Variants in XKR9 observed in about 807,000 individuals in gnomAD.
XKR9 encodes the protein XK-related protein 9.
In XKR9, 32 loss-of-function variants were observed where a neutral mutation model predicts 32.0. That is an observed-to-expected ratio of 1.00 (90% CI 0.76 to 1.34). The LOEUF (loss-of-function observed/expected upper bound fraction) is 1.34, where lower values mean the gene tolerates loss of function less well. Ranked by LOEUF, XKR9 falls within the 40% of genes most tolerant of loss-of-function variation. The pLI is 0.00. For synonymous variants in XKR9, 168 were observed against 143.4 expected (o/e 1.17, Z -1.22); for missense variants, 546 against 429.7 (o/e 1.27, Z -2.39).
At chr8:70,854,550 T>G in the XKR9 span, among the ~76,000 whole-genome samples, 136,325 of 152,174 alleles carry the variant, frequency 0.9, 61,277 homozygotes, top group East Asian at 0.97. Flanking sequence ...GTCAATTTTG[T>G]CTTTTGTTGC....
At chr8:70,997,695 C>G in the XKR9 span, among the ~76,000 whole-genome samples, 3 of 152,144 alleles carry the variant, frequency 2.0e-5, no homozygotes, top group South Asian at 4.1e-4. Context: ...ATACCAAAAT[C>G]TCAGAAATCA....
chr8:70,934,250 AG>A, the XKR9 span, among the ~76,000 whole-genome samples: 41 of 152,174 alleles, frequency 2.7e-4, no homozygotes, highest in Non-Finnish European at 4.9e-4. Flanking sequence ...CAATTTTGGC[AG>A]AAGTAATAGA....
chr8:70,876,912 G>A, the XKR9 span, among the ~76,000 whole-genome samples: 18 of 151,998 alleles, frequency 1.2e-4, no homozygotes, highest in Admixed American at 2.6e-4. Flanking sequence ...TAATAATGTC[G>A]TACTGTTTTG....
At chr8:70,909,739 C>T in the XKR9 span, among the ~76,000 whole-genome samples, 2 of 125,352 alleles carry the variant, frequency 1.6e-5, no homozygotes, top group Non-Finnish European at 3.2e-5. Flanking sequence ...AACAGAGTCT[C>T]ACTCTGTCAC....
In XKR9 at chr8:70,744,757, C is replaced by CTGTATAGAATGTATATAATATAGAATGA. The variant is rs1554553503; in HGVS notation, n.352+37604_352+37605insTGTATAGAATGTATATAATATAGAATGA. 3.0e-4 allele frequency among the ~76,000 whole-genome samples: 46 copies of CTGTATAGAATGTATATAATATAGAATGA among 150,940 alleles called. 1 individual carries two copies. Among genetic ancestry groups the CTGTATAGAATGTATATAATATAGAATGA allele is most frequent in the Admixed American group, 7.2e-4 (11 of 15,182 alleles). The stretch of plus-strand genomic sequence containing the variant: ...GGTAGCTGGGACTACAGGTGTGCAC[C>CTGTATAGAATGTATATAATATAGAATGA]ACCACGCCTGGCTAATTTTTGTATT... On this transcript the variant is annotated intron_variant and non_coding_transcript_variant, in intron 2 of 3. Transcript: ENST00000520273.
chr8:70,941,173 A>G, the XKR9 span, among the ~76,000 whole-genome samples: 1 of 151,876 alleles, frequency 6.6e-6, no homozygotes. Context: ...GTCTTTTGGG[A>G]TTTACATATT....
intron 2 of XKR9, among the ~76,000 whole-genome samples, chr8:70,741,165 G>T (rs1318135170): frequency 1.3e-5 from 2 of 152,240 alleles, no homozygotes; most frequent in Non-Finnish European, 2.9e-5. Context: ...AAGCAAGCCT[G>T]GGCAATGGTG....
rs958903566 is a variant in XKR9, at chr8:70,725,568, T to C, written c.494-8228T>C. Among the ~76,000 whole-genome samples the C allele has an allele frequency of 2.6e-5, 4 of 152,046 alleles. No individual in the cohort carries two copies. The East Asian group carries it at 5.8e-4, about 22-fold the overall frequency. ...ACTGCCATTTTTCTTATATACTCTG[T>C]AGAACTTTTTGACTTTTAAAAAACG... is the stretch of plus-strand genomic sequence containing the variant. On this transcript the variant is annotated intron_variant, in intron 4 of 4. Coordinates refer to ENST00000408926, the MANE Select transcript of XKR9 (RefSeq NM_001011720.2).
the XKR9 span, among the ~76,000 whole-genome samples, chr8:70,957,911 C>T: frequency 6.8e-6 from 1 of 147,416 alleles, no homozygotes; most frequent in Non-Finnish European, 1.5e-5. Context: ...CCTCAGCTTA[C>T]TGAGTGGCTG....
At chr8:71,002,625 C>T in the XKR9 span, among the ~76,000 whole-genome samples, 1 of 152,152 alleles carries the variant, frequency 6.6e-6, no homozygotes, top group Non-Finnish European at 1.5e-5. Context: ...AATAAAAACA[C>T]ACTTGCCTTT....
At chr8:70,924,192 C>T in the XKR9 span, among the ~76,000 whole-genome samples, 7 of 152,118 alleles carry the variant, frequency 4.6e-5, no homozygotes, top group Admixed American at 2.0e-4. Context: ...GAAATAGTTC[C>T]GTGAACTGGC....
the XKR9 span, among the ~76,000 whole-genome samples, chr8:70,845,913 C>T: frequency 6.6e-6 from 1 of 152,066 alleles, no homozygotes; most frequent in East Asian, 1.9e-4. Flanking sequence ...CCTCCCAAGT[C>T]TAGTAAAAGA....
chr8:70,779,315 T>G (rs1230144705), intron 2 of XKR9, among the ~76,000 whole-genome samples: 1 of 152,208 alleles, frequency 6.6e-6, no homozygotes, highest in Non-Finnish European at 1.5e-5. Context: ...TTGTTCGTGG[T>G]GGATAAGCTT....
the XKR9 span, among the ~76,000 whole-genome samples, chr8:70,801,401 C>G: frequency 6.6e-6 from 1 of 152,138 alleles, no homozygotes; most frequent in African/African-American, 2.4e-5. Context: ...TAATTTGTTT[C>G]TGCCTTAACT....
At chr8:70,823,161 C>T in the XKR9 span, among the ~76,000 whole-genome samples, 14 of 152,280 alleles carry the variant, frequency 9.2e-5, no homozygotes, top group East Asian at 7.7e-4. Flanking sequence ...CTTAATGGTC[C>T]GGAGTTGTTG....
the XKR9 span, among the ~76,000 whole-genome samples, chr8:70,810,068 C>G: frequency 1.3e-5 from 2 of 152,166 alleles, no homozygotes; most frequent in Non-Finnish European, 2.9e-5. Context: ...CAAAGGGAAG[C>G]CCATCAGACT....
intron 2 of XKR9, among the ~76,000 whole-genome samples, chr8:70,753,060 CAATA>C (rs1247554721): frequency 2.0e-5 from 3 of 152,028 alleles, no homozygotes; most frequent in African/African-American, 7.2e-5. Context: ...CAAATAGACG[CAATA>C]AAAAATGATA....
At chr8:70,919,026 C>T in the XKR9 span, among the ~76,000 whole-genome samples, 1 of 152,010 alleles carries the variant, frequency 6.6e-6, no homozygotes. Flanking sequence ...ATCCACCCAC[C>T]TCTGCCTCCC....
chr8:70,905,666 G>A, the XKR9 span, among the ~76,000 whole-genome samples: 1 of 152,154 alleles, frequency 6.6e-6, no homozygotes, highest in South Asian at 2.1e-4. Flanking sequence ...TTCTGCTGCT[G>A]GCAAGGAGCT....
Sources: gnomAD v4.1 joint callset for allele counts (sites outside exome capture counted in the v4.1 genomes callset) on GRCh38, gnomAD v4.1.1 for gene constraint, MANE v1.5 for transcripts, NCBI Gene and HGNC (gene_info 2026-07-23, HGNC 2026-07-21) for gene names.